Variants in ADGRF5 observed in about 807,000 individuals in gnomAD.
ADGRF5 encodes the protein adhesion G protein-coupled receptor F5.
In ADGRF5, 75 loss-of-function variants were observed where a neutral mutation model predicts 132.3. That is an observed-to-expected ratio of 0.57 (90% CI 0.47 to 0.69). ADGRF5 has a LOEUF of 0.69. Among genes scored for constraint, ADGRF5 ranks in the 30% least tolerant of loss-of-function variants. ADGRF5 has a pLI of 0.00. For missense variants in ADGRF5, 1,516 were observed against 1,630.6 expected, an observed-to-expected ratio of 0.93 and a Z score of 1.21; for synonymous variants, 629 against 597.6, an observed-to-expected ratio of 1.05 and a Z score of -0.77.
At chr6:46,939,094 C>A (rs1314807676) in intron 1 of ADGRF5, among the ~76,000 whole-genome samples, 3 of 152,202 alleles carry the variant, frequency 2.0e-5, no homozygotes, top group Non-Finnish European at 4.4e-5. Flanking sequence ...TGGTCTCGAT[C>A]TCTTGACCTC....
At chr6:46,936,451 G>A (rs571217037) in intron 1 of ADGRF5, among the ~76,000 whole-genome samples, 1 of 152,322 alleles carries the variant, frequency 6.6e-6, no homozygotes, top group South Asian at 2.1e-4. Context: ...ATGAGAAAGG[G>A]TAAATCTAAT....
At chr6:46,922,787 A>G (rs1364773116), upstream of ADGRF5, among the ~76,000 whole-genome samples, 1 of 152,232 alleles carries the variant, frequency 6.6e-6, no homozygotes, top group Non-Finnish European at 1.5e-5. Context: ...GGTGAGTCCC[A>G]TGCAGGTAGT....
At chr6:46,877,246 T>TCTTTCTTC (rs1771794417) in intron 10 of ADGRF5, among the ~76,000 whole-genome samples, 1 of 31,200 alleles carries the variant, frequency 3.2e-5, no homozygotes, top group Non-Finnish European at 6.1e-5. Flanking sequence ...TTTCTTTCTT[T>TCTTTCTTC]CTTTCTTTCT....
At chr6:46,947,022 G>C (rs9381492) in intron 1 of ADGRF5, among the ~76,000 whole-genome samples, 17 of 152,150 alleles carry the variant, frequency 1.1e-4, no homozygotes, top group Admixed American at 1.1e-3. Flanking sequence ...TTTGCAACAC[G>C]TTGAGTTTGT....
chr6:46,892,594 AC>A, intron 3 of ADGRF5, among the ~76,000 whole-genome samples: 1 of 152,166 alleles, frequency 6.6e-6, no homozygotes, highest in South Asian at 2.1e-4. Flanking sequence ...TACTAAAAAT[AC>A]AAAAATTAGC....
intron 3 of ADGRF5, among the ~76,000 whole-genome samples, chr6:46,898,936 G>C (rs77187175): frequency 6.6e-6 from 1 of 152,180 alleles, no homozygotes; most frequent in African/African-American, 2.4e-5. Context: ...TCATCTATTC[G>C]CTCACTGGTT....
chr6:46,856,120 T>C, intron 19 of ADGRF5, 62 bp from the exon 20 acceptor site: 2 of 918,478 alleles, frequency 2.2e-6, no homozygotes, highest in Non-Finnish European at 3.6e-6. Flanking sequence ...GCTGTTTCCA[T>C]CTCTAGAAGG....
At chr6:46,901,891 G>A (rs889840173) in intron 2 of ADGRF5, among the ~76,000 whole-genome samples, 6 of 152,056 alleles carry the variant, frequency 3.9e-5, no homozygotes, top group African/African-American at 4.8e-5. Context: ...TCAGATGTCC[G>A]CAATTTACCA....
intron 3 of ADGRF5, among the ~76,000 whole-genome samples, chr6:46,895,118 A>C (rs1774035387): frequency 6.6e-6 from 1 of 152,160 alleles, no homozygotes; most frequent in Non-Finnish European, 1.5e-5. Flanking sequence ...CGGAGGTTGC[A>C]GTGAGCCGAG....
chr6:46,865,309 G>C (rs984534382), intron 13 of ADGRF5, 112 bp from the exon 14 acceptor site: 1 of 712,060 alleles, frequency 1.4e-6, no homozygotes, highest in Admixed American at 2.9e-5. Flanking sequence ...CGAGGAATGT[G>C]CCACATTCAT....
chr6:46,898,177 G>A (rs905634775), intron 3 of ADGRF5, among the ~76,000 whole-genome samples: 3 of 152,140 alleles, frequency 2.0e-5, no homozygotes, highest in Non-Finnish European at 4.4e-5. Flanking sequence ...TTGTCACCAC[G>A]GGTCATAAAC....
rs992227901 is a variant in ADGRF5 at position 46,936,748 on chromosome 6, G to A, written c.-25+17986C>T. On this transcript the variant is annotated intron_variant, in intron 1 of 20. Transcript: ENST00000265417. ...TTCTGTGCCCCAGGAGGCTAGCCCC[G>A]CACTCTACTGTGCCTTGTCCTCTGG... Among the ~76,000 whole-genome samples the A allele has an allele frequency of 2.0e-4, 30 of 152,124 alleles. No individual in the cohort carries two copies. The South Asian group carries it at 2.1e-3, about 11-fold the overall frequency.
intron 10 of ADGRF5, among the ~76,000 whole-genome samples, chr6:46,877,418 G>A (rs756110675): frequency 2.8e-5 from 4 of 144,216 alleles, no homozygotes; most frequent in Non-Finnish European, 6.0e-5. Flanking sequence ...GACAACCTTG[G>A]ATAAGTCATA....
chr6:46,867,711 T>C (rs936266049), intron 12 of ADGRF5, among the ~76,000 whole-genome samples: 3 of 152,150 alleles, frequency 2.0e-5, no homozygotes, highest in African/African-American at 4.8e-5. Context: ...TTGCTTCCCT[T>C]TGCCCCAGCT....
chr6:46,870,439 C>T (rs1770928695), intron 11 of ADGRF5, among the ~76,000 whole-genome samples: 2 of 152,172 alleles, frequency 1.3e-5, no homozygotes, highest in South Asian at 4.1e-4. Flanking sequence ...GGATTACAGG[C>T]ATAAGCCACC....
upstream of ADGRF5, among the ~76,000 whole-genome samples, chr6:46,923,162 G>GC (rs1777074216): frequency 1.3e-5 from 2 of 152,148 alleles, no homozygotes; most frequent in African/African-American, 2.4e-5. Flanking sequence ...CCTGACCTCA[G>GC]GTAATCCCCA....
In ADGRF5 at chr6:46,853,991, C is replaced by G; in HGVS notation, c.*1G>C. On this transcript the variant is annotated 3_prime_UTR_variant, in exon 21 of 21. Coordinates refer to ENST00000283296, the MANE Select transcript of ADGRF5 (RefSeq NM_001098518.2). ...GTCACGTAGGTTGGATTATCCTGTT[C>G]TTAGTTGAGCAACGAAGAAGCACTG... 1 of 1,599,418 alleles carries G rather than the reference C, an allele frequency of 6.3e-7. No individual in the cohort carries two copies. The highest frequency in any genetic ancestry group is 8.5e-7 in the Non-Finnish European group (1 of 1,172,624).
intron 7 of ADGRF5, 23 bp from the exon 8 acceptor site, chr6:46,881,620 A>G (rs1269628181): frequency 1.2e-6 from 2 of 1,608,484 alleles, no homozygotes; most frequent in Admixed American, 1.7e-5. Flanking sequence ...CACTCAGTTC[A>G]GTAAAACAAT....
chr6:46,868,651 G>A (rs947833081), intron 12 of ADGRF5, among the ~76,000 whole-genome samples: 3 of 152,210 alleles, frequency 2.0e-5, no homozygotes, highest in African/African-American at 7.2e-5. Flanking sequence ...AGAGACACTA[G>A]TTCCATTCCT....
Sources: allele counts gnomAD v4.1 joint callset (sites outside exome capture counted in the v4.1 genomes callset), GRCh38; gene constraint gnomAD v4.1.1; transcripts MANE v1.5; gene names NCBI Gene and HGNC (gene_info 2026-07-23, HGNC 2026-07-21).